The following RIN2 variants were observed in gnomAD, a reference collection of about 807,000 sequenced individuals.
The protein encoded by RIN2 is RAB5 interacting protein 2.
Under a neutral mutation model 78.0 loss-of-function variants are expected in RIN2, and 36 were observed. The observed-to-expected ratio is 0.46, with a 90% CI of 0.35 to 0.61. RIN2 has a LOEUF of 0.61. RIN2 is among the 20% of genes least tolerant of loss of function. RIN2 has a pLI of 0.00. For synonymous variants in RIN2, 466 were observed against 466.8 expected, an observed-to-expected ratio of 1.00 and a Z score of 0.02; for missense variants, 1,087 against 1,159.7, an observed-to-expected ratio of 0.94 and a Z score of 0.91.
chr20:19,930,426 C>T (rs1568623144), intron 3 of RIN2, among the ~76,000 whole-genome samples: 2 of 152,150 alleles, frequency 1.3e-5, no homozygotes, highest in African/African-American at 2.4e-5. Context: ...TCGGCAAGAG[C>T]GGTACCCAGA....
intron 3 of RIN2, among the ~76,000 whole-genome samples, chr20:19,906,125 A>T (rs1387751656): frequency 6.6e-6 from 1 of 152,208 alleles, no homozygotes; most frequent in African/African-American, 2.4e-5. Context: ...GAACTGCACT[A>T]CTTGCCTCAT....
chr20:19,968,171 G>A (rs1241386370), intron 7 of RIN2, among the ~76,000 whole-genome samples: 1 of 152,194 alleles, frequency 6.6e-6, no homozygotes, highest in Non-Finnish European at 1.5e-5. Flanking sequence ...TCCACAGAAT[G>A]GGGGCATCAC....
chr20:19,792,939 CTGTGTGTG>C (rs36049213), intron 1 of RIN2, among the ~76,000 whole-genome samples: 11 of 147,240 alleles, frequency 7.5e-5, no homozygotes, highest in South Asian at 6.5e-4. Flanking sequence ...TAAGCAGCCA[CTGTGTGTG>C]TGTGTGTGTG....
chr20:19,986,692 A>G (rs1008330702), intron 9 of RIN2, among the ~76,000 whole-genome samples: 6 of 152,040 alleles, frequency 3.9e-5, no homozygotes, highest in African/African-American at 7.2e-5. Context: ...TTGTATTAAC[A>G]CTCTGGCCCA....
intron 11 of RIN2, among the ~76,000 whole-genome samples, chr20:19,996,167 A>T (rs1451070248): frequency 6.6e-6 from 1 of 152,194 alleles, no homozygotes; most frequent in Non-Finnish European, 1.5e-5. Context: ...TACAAAAATT[A>T]GCCAGGCGTG....
chr20:19,890,979 G>T (rs116062342), intron 3 of RIN2, among the ~76,000 whole-genome samples: 2,171 of 152,300 alleles, frequency 0.014, 53 homozygotes, highest in African/African-American at 0.049. Flanking sequence ...ACCCTTGTTT[G>T]ATAAGTGAGC....
chr20:19,892,969 A>G (rs2038548810), intron 3 of RIN2, among the ~76,000 whole-genome samples: 1 of 152,212 alleles, frequency 6.6e-6, no homozygotes, highest in South Asian at 2.1e-4. Context: ...GTACGTGGCC[A>G]GGGAGAGAAA....
intron 1 of RIN2, among the ~76,000 whole-genome samples, chr20:19,787,708 G>A (rs1381756584): frequency 6.6e-6 from 1 of 152,178 alleles, no homozygotes; most frequent in Non-Finnish European, 1.5e-5. Context: ...TATACTGAGT[G>A]CTCAATAAGT....
At chr20:19,778,369 G>C (rs1600430284) in intron 1 of RIN2, among the ~76,000 whole-genome samples, 2 of 152,184 alleles carry the variant, frequency 1.3e-5, no homozygotes, top group South Asian at 4.1e-4. Context: ...CTTGTAATTA[G>C]AGCATTTATT....
intron 1 of RIN2, among the ~76,000 whole-genome samples, chr20:19,792,484 T>C (rs1309346114): frequency 6.6e-6 from 1 of 152,124 alleles, no homozygotes; most frequent in Admixed American, 6.5e-5. Flanking sequence ...ATGAGTGATG[T>C]GTGTTGTGAG....
At chr20:19,936,112 A>G (rs2040631089) in intron 4 of RIN2, among the ~76,000 whole-genome samples, 1 of 152,196 alleles carries the variant, frequency 6.6e-6, no homozygotes, top group Non-Finnish European at 1.5e-5. Flanking sequence ...AGAGAGCAAC[A>G]TCCCAGGGAG....
chr20:19,797,465 G>A (rs907717142), intron 1 of RIN2, among the ~76,000 whole-genome samples: 2 of 152,078 alleles, frequency 1.3e-5, no homozygotes, highest in Non-Finnish European at 2.9e-5. Context: ...TATTTTATTT[G>A]CACATACTTA....
At position 19,826,982 on chromosome 20, in the gene RIN2, T is replaced by TTG. The variant is rs1026128842; in HGVS notation, c.-37+27236_-37+27237insGT. Among the ~76,000 whole-genome samples the TTG allele has an allele frequency of 2.4e-4, 36 of 149,194 alleles. No individual in the cohort carries two copies. In the East Asian group the frequency reaches 6.6e-3, roughly 27 times the overall value. On this transcript the variant is annotated intron_variant, in intron 2 of 12. Transcript: ENST00000255006. ...CTATTCGTTTGGTTTTGGGTTTTTT[T>TTG]TTTTTTTTTTGAGACAGAGTTTCGC...
chr20:19,984,651 C>T (rs577965686), intron 9 of RIN2, among the ~76,000 whole-genome samples: 2 of 152,226 alleles, frequency 1.3e-5, no homozygotes, highest in African/African-American at 2.4e-5. Context: ...CATGTAATCC[C>T]AGCTACTCAG....
chr20:19,916,478 G>A (rs2123764295), intron 3 of RIN2, among the ~76,000 whole-genome samples: 1 of 152,280 alleles, frequency 6.6e-6, no homozygotes, highest in Admixed American at 6.5e-5. Context: ...TATTAGCTGG[G>A]CGTGGTGGCA....
At chr20:19,904,290 TA>T (rs911271370) in intron 3 of RIN2, among the ~76,000 whole-genome samples, 2 of 149,226 alleles carry the variant, frequency 1.3e-5, no homozygotes, top group Admixed American at 6.7e-5. Flanking sequence ...GCTGGATGAA[TA>T]AAAAAATGTG....
chr20:19,818,330 A>G (rs2035827219), intron 2 of RIN2, among the ~76,000 whole-genome samples: 1 of 152,236 alleles, frequency 6.6e-6, no homozygotes, highest in Non-Finnish European at 1.5e-5. Flanking sequence ...TACTTTTCAG[A>G]TGAGCAAAAA....
intron 1 of RIN2, among the ~76,000 whole-genome samples, chr20:19,779,845 G>A (rs936420077): frequency 6.6e-6 from 1 of 152,132 alleles, no homozygotes; most frequent in African/African-American, 2.4e-5. Flanking sequence ...AGCATGTTTT[G>A]TGCCTCCGGG....
chr20:19,880,117 T>C (rs2037975401), intron 2 of RIN2, among the ~76,000 whole-genome samples: 1 of 151,914 alleles, frequency 6.6e-6, no homozygotes, highest in Non-Finnish European at 1.5e-5. Flanking sequence ...GGCATGGTGG[T>C]GCACACCTGT....
Sources: gnomAD v4.1 joint callset for allele counts (sites outside exome capture counted in the v4.1 genomes callset) on GRCh38, gnomAD v4.1.1 for gene constraint, MANE v1.5 for transcripts, NCBI Gene and HGNC (gene_info 2026-07-23, HGNC 2026-07-21) for gene names.